CENPP: variants seen among roughly 807,000 people sequenced by gnomAD.
CENPP encodes the protein centromere protein P.
CENPP carries 24 observed loss-of-function variants against 35.6 expected under a neutral mutation model. That is an observed-to-expected ratio of 0.67 (90% CI 0.49 to 0.95). CENPP has a LOEUF of 0.95. CENPP is among the 40% of genes least tolerant of loss of function. CENPP has a pLI of 0.00. For synonymous variants in CENPP, 120 were observed against 125.5 expected (o/e 0.96, Z 0.29); for missense variants, 332 against 345.3 (o/e 0.96, Z 0.31).
At chr9:92,429,772 A>T (rs1406216313) in intron 5 of CENPP, among the ~76,000 whole-genome samples, 1 of 149,456 alleles carries the variant, frequency 6.7e-6, no homozygotes, top group African/African-American at 2.5e-5. Context: ...GGGTGACAAG[A>T]ACGAAACTCC....
chr9:92,416,664 G>T, intron 5 of CENPP: 1 of 1,604,760 alleles, frequency 6.2e-7, no homozygotes, highest in South Asian at 1.1e-5. Context: ...AAATTTCTTG[G>T]AATATAGAAT....
chr9:92,546,347 G>A (rs1217885153), intron 5 of CENPP, among the ~76,000 whole-genome samples: 4 of 152,146 alleles, frequency 2.6e-5, no homozygotes, highest in Middle Eastern at 3.2e-3. Context: ...CTTCCACTGT[G>A]TGGAAGCTTT....
At chr9:92,586,127 C>T (rs1850534626) in intron 5 of CENPP, among the ~76,000 whole-genome samples, 1 of 152,188 alleles carries the variant, frequency 6.6e-6, no homozygotes, top group Non-Finnish European at 1.5e-5. Context: ...CTCACTGCAA[C>T]CTCCGCCTCC....
chr9:92,580,738 C>A (rs1850402612), intron 5 of CENPP, among the ~76,000 whole-genome samples: 1 of 152,236 alleles, frequency 6.6e-6, no homozygotes, highest in Non-Finnish European at 1.5e-5. Context: ...TTTTGTTGAT[C>A]TTTTCAAAAA....
chr9:92,577,616 AG>A (rs1399842302), intron 5 of CENPP, among the ~76,000 whole-genome samples: 1 of 152,110 alleles, frequency 6.6e-6, no homozygotes, highest in Non-Finnish European at 1.5e-5. Context: ...TACTTAAGTA[AG>A]GAAAAAATCT....
chr9:92,494,126 TC>T (rs779462997), intron 5 of CENPP: 4 of 1,597,866 alleles, frequency 2.5e-6, no homozygotes, highest in Non-Finnish European at 3.4e-6. Context: ...TGTCACTGTC[TC>T]TAGAACAGCA....
chr9:92,536,866 T>TA (rs1398501778), intron 5 of CENPP, among the ~76,000 whole-genome samples: 1 of 139,614 alleles, frequency 7.2e-6, no homozygotes, highest in African/African-American at 3.1e-5. Context: ...AACTATTTTT[T>TA]AAATTTTTTT....
At chr9:92,531,418 T>G (rs1057316394) in intron 5 of CENPP, among the ~76,000 whole-genome samples, 1 of 152,226 alleles carries the variant, frequency 6.6e-6, no homozygotes, top group African/African-American at 2.4e-5. Context: ...TCTGTTTCAG[T>G]TCTGTGTTTT....
At chr9:92,457,422 G>A in intron 5 of CENPP, 1 of 1,613,700 alleles carries the variant, frequency 6.2e-7, no homozygotes, top group Non-Finnish European at 8.5e-7. Context: ...TTCATCTTTG[G>A]CACTGTTGGA....
chr9:92,540,335 G>GT (rs1491090868), intron 5 of CENPP, among the ~76,000 whole-genome samples: 1 of 152,024 alleles, frequency 6.6e-6, no homozygotes, highest in Non-Finnish European at 1.5e-5. Context: ...CTACTTGGGA[G>GT]GCTGAGGCAG....
chr9:92,427,330 T>G (rs892502943), intron 5 of CENPP, among the ~76,000 whole-genome samples: 1 of 152,110 alleles, frequency 6.6e-6, no homozygotes, highest in African/African-American at 2.4e-5. Context: ...ACCCAGCTAA[T>G]TTTTGTATTT....
Position 92,485,718 on chromosome 9 carries a change from C to T in CENPP, c.564+105859C>T, listed in dbSNP as rs1363978007. Among the ~76,000 whole-genome samples, 9 of 152,196 alleles carry T rather than the reference C, an allele frequency of 5.9e-5. No homozygotes were observed. The East Asian group carries it at 1.2e-3, about 20-fold the overall frequency. ...GATTGACAGAGTCTCACTCTGTCAC[C>T]CATGCTGGAGTGCAGTGGTACAATC... On this transcript the variant is annotated intron_variant, in intron 5 of 7. Transcript: ENST00000375587.
intron 5 of CENPP, chr9:92,384,662 T>C (rs1218069376): frequency 1.3e-5 from 2 of 152,152 alleles, no homozygotes; most frequent in Non-Finnish European, 2.9e-5. Flanking sequence ...ATATTCAGTT[T>C]GTTACAGTGA....
At chr9:92,378,342 G>A (rs1842169614) in intron 4 of CENPP, among the ~76,000 whole-genome samples, 1 of 152,102 alleles carries the variant, frequency 6.6e-6, no homozygotes, top group South Asian at 2.1e-4. Context: ...TTGGTTAGAG[G>A]GAATGGTCTT....
intron 4 of CENPP, among the ~76,000 whole-genome samples, chr9:92,366,172 C>T (rs1325004159): frequency 1.2e-4 from 16 of 129,978 alleles, no homozygotes; most frequent in African/African-American, 2.3e-4. Context: ...AGTAAGACTC[C>T]GTCTCAAAAA....
At chr9:92,464,838 A>C in intron 5 of CENPP, 1 of 1,017,382 alleles carries the variant, frequency 9.8e-7, no homozygotes, top group Non-Finnish European at 1.6e-6. Flanking sequence ...TGTATACTGC[A>C]CAGTTTACAA....
chr9:92,478,175 C>G (rs1047056133), intron 5 of CENPP, among the ~76,000 whole-genome samples: 1 of 151,956 alleles, frequency 6.6e-6, no homozygotes, highest in African/African-American at 2.4e-5. Context: ...AATGTCAGTC[C>G]GCCAACAGAA....
chr9:92,401,262 C>A, intron 5 of CENPP: 1 of 687,688 alleles, frequency 1.5e-6, no homozygotes, highest in South Asian at 1.8e-5. Context: ...ATCACAGACA[C>A]CTTCTCGTAG....
rs575616844 is a variant in CENPP at position 92,415,231 on chromosome 9, G to A, written c.564+35372G>A. On this transcript the variant is annotated intron_variant, in intron 5 of 7. Coordinates refer to ENST00000375587, the MANE Select transcript of CENPP (RefSeq NM_001012267.3). ...TTCTGGGCTCTCATGAGCATTGTCAGGATCATCGTGATCTTCACTTTCATC... is the reference window on the plus strand; with the variant it reads ...TTCTGGGCTCTCATGAGCATTGTCAAGATCATCGTGATCTTCACTTTCATC... 9.9e-6 allele frequency: 16 copies of A among 1,613,696 alleles called. No homozygotes were observed. In the African/African-American group the frequency reaches 1.9e-4, roughly 19 times the overall value.
Sources: gnomAD v4.1 joint callset for allele counts (sites outside exome capture counted in the v4.1 genomes callset) on GRCh38, gnomAD v4.1.1 for gene constraint, MANE v1.5 for transcripts, NCBI Gene and HGNC (gene_info 2026-07-23, HGNC 2026-07-21) for gene names.